The following RUNDC3B variants were observed in gnomAD, a reference collection of about 807,000 sequenced individuals.
RUNDC3B encodes the protein RUN domain-containing protein 3B.
In RUNDC3B, 33 loss-of-function variants were observed where a neutral mutation model predicts 58.4. The ratio of observed to expected loss-of-function variants is 0.56; its 90% CI spans 0.43 to 0.75. The LOEUF is 0.75. RUNDC3B is among the 30% of genes least tolerant of loss of function. The pLI, the probability that RUNDC3B is intolerant of heterozygous loss-of-function variation, is 0.00. For synonymous variants in RUNDC3B, 193 were observed against 195.2 expected (o/e 0.99, Z 0.10); for missense variants, 501 against 535.7 (o/e 0.94, Z 0.64).
At chr7:87,742,879 C>A (rs1051358392) in intron 6 of RUNDC3B, among the ~76,000 whole-genome samples, 2 of 151,886 alleles carry the variant, frequency 1.3e-5, no homozygotes, top group African/African-American at 4.8e-5. Flanking sequence ...TTTGGGAGGC[C>A]GAGGTGGGCG....
chr7:87,722,626 G>C (rs1348596365), intron 4 of RUNDC3B, among the ~76,000 whole-genome samples: 1 of 152,158 alleles, frequency 6.6e-6, no homozygotes, highest in Non-Finnish European at 1.5e-5. Flanking sequence ...CCTTTGACGA[G>C]TTGGGGCATC....
intron 8 of RUNDC3B, among the ~76,000 whole-genome samples, chr7:87,780,951 A>G (rs996449101): frequency 3.3e-5 from 5 of 151,928 alleles, no homozygotes; most frequent in African/African-American, 1.2e-4. Flanking sequence ...TTTTATTAGG[A>G]TTGATTTGGC....
At chr7:87,644,270 A>G (rs772258743) in intron 1 of RUNDC3B, among the ~76,000 whole-genome samples, 51 of 152,364 alleles carry the variant, frequency 3.3e-4, no homozygotes, top group Non-Finnish European at 5.9e-4. Flanking sequence ...ATTATCACCT[A>G]TAGTCACTGC....
intron 3 of RUNDC3B, among the ~76,000 whole-genome samples, chr7:87,710,243 T>C (rs1021523037): frequency 5.9e-5 from 9 of 152,176 alleles, no homozygotes; most frequent in African/African-American, 1.2e-4. Flanking sequence ...TGATTTGCGG[T>C]ATTGAAGTAG....
chr7:87,632,050 T>C (rs28381764), intron 1 of RUNDC3B, among the ~76,000 whole-genome samples: 2 of 152,272 alleles, frequency 1.3e-5, no homozygotes, highest in East Asian at 3.9e-4. Flanking sequence ...TATTTTGGAC[T>C]GTGCCTTTGA....
At chr7:87,683,320 A>G (rs1391007877) in intron 2 of RUNDC3B, among the ~76,000 whole-genome samples, 1 of 152,078 alleles carries the variant, frequency 6.6e-6, no homozygotes, top group African/African-American at 2.4e-5. Flanking sequence ...AGTACTTTTA[A>G]TTTCCTTTGA....
chr7:87,773,636 G>A (rs189405672), intron 7 of RUNDC3B, among the ~76,000 whole-genome samples: 2 of 141,790 alleles, frequency 1.4e-5, no homozygotes. Context: ...TTTTTGTTTG[G>A]TTTGTTTTGT....
At chr7:87,818,445 C>T (rs979106756) in intron 10 of RUNDC3B, among the ~76,000 whole-genome samples, 2 of 152,160 alleles carry the variant, frequency 1.3e-5, no homozygotes, top group Non-Finnish European at 2.9e-5. Context: ...AACATGTTCT[C>T]ATGATGAGTT....
At chr7:87,653,594 T>C (rs1401618555) in intron 2 of RUNDC3B, among the ~76,000 whole-genome samples, 1 of 152,166 alleles carries the variant, frequency 6.6e-6, no homozygotes, top group Non-Finnish European at 1.5e-5. Flanking sequence ...GTTAGATTAT[T>C]TGAAAATTCT....
intron 4 of RUNDC3B, among the ~76,000 whole-genome samples, chr7:87,712,328 A>G (rs1479999461): frequency 1.3e-5 from 2 of 152,134 alleles, no homozygotes; most frequent in East Asian, 3.8e-4. Context: ...ATAAAATGAA[A>G]CATTTATCAT....
In RUNDC3B at chr7:87,656,052, C is replaced by T. The variant is rs187913125; in HGVS notation, c.238+5115C>T. Among the ~76,000 whole-genome samples, 8 of 152,074 alleles carry T rather than the reference C, an allele frequency of 5.3e-5. No homozygotes were observed. In the South Asian group the frequency reaches 8.3e-4, roughly 16 times the overall value. ...TGATGGTGCTTTGATCTTGGACTTC[C>T]CAGCCTCTAGAACTATGAGAAATAA... On this transcript the variant is annotated intron_variant, in intron 2 of 10. Coordinates refer to ENST00000394654, the MANE Select transcript of RUNDC3B (RefSeq NM_001134405.2).
At chr7:87,756,676 C>T (rs539999648) in intron 6 of RUNDC3B, among the ~76,000 whole-genome samples, 9 of 151,978 alleles carry the variant, frequency 5.9e-5, no homozygotes, top group Admixed American at 2.0e-4. Flanking sequence ...CATATTCCAT[C>T]AATTTTAAGA....
chr7:87,676,464 G>A (rs555677390), intron 2 of RUNDC3B, among the ~76,000 whole-genome samples: 21 of 151,814 alleles, frequency 1.4e-4, no homozygotes, highest in African/African-American at 5.1e-4. Flanking sequence ...ACTTTGGGAG[G>A]CCAAGGCAGG....
intron 8 of RUNDC3B, among the ~76,000 whole-genome samples, chr7:87,787,260 T>A (rs1485035949): frequency 6.6e-6 from 1 of 152,134 alleles, no homozygotes; most frequent in Non-Finnish European, 1.5e-5. Context: ...CTGAGATTTT[T>A]AAAAAATCAA....
chr7:87,677,340 A>G (rs1173406354), intron 2 of RUNDC3B, among the ~76,000 whole-genome samples: 2 of 151,912 alleles, frequency 1.3e-5, no homozygotes, highest in Admixed American at 6.6e-5. Flanking sequence ...AGATTTAAAA[A>G]AAAAAAAAAA....
chr7:87,706,863 A>C (rs1393308918), intron 3 of RUNDC3B, among the ~76,000 whole-genome samples: 1 of 152,190 alleles, frequency 6.6e-6, no homozygotes, highest in Non-Finnish European at 1.5e-5. Context: ...CCCATAAACA[A>C]AGCTGAAAGC....
intron 8 of RUNDC3B, among the ~76,000 whole-genome samples, chr7:87,782,382 ACAGT>A (rs1834975570): frequency 6.6e-6 from 1 of 151,972 alleles, no homozygotes; most frequent in Admixed American, 6.6e-5. Flanking sequence ...ATAATAGCTA[ACAGT>A]CTGTCAATCT....
At chr7:87,741,751 C>A (rs1168798175) in intron 6 of RUNDC3B, among the ~76,000 whole-genome samples, 172 bp downstream of exon 6, 5 of 152,264 alleles carry the variant, frequency 3.3e-5, no homozygotes, top group Admixed American at 6.5e-5. Context: ...AAAAAGCACA[C>A]ACCTTTTATG....
intron 4 of RUNDC3B, among the ~76,000 whole-genome samples, chr7:87,736,057 A>G (rs535114532): frequency 6.6e-6 from 1 of 152,284 alleles, no homozygotes; most frequent in South Asian, 2.1e-4. Flanking sequence ...TTTTGATTCA[A>G]TTTGACTTTG....
Sources: gnomAD v4.1 joint callset for allele counts (sites outside exome capture counted in the v4.1 genomes callset) on GRCh38, gnomAD v4.1.1 for gene constraint, MANE v1.5 for transcripts, NCBI Gene and HGNC (gene_info 2026-07-23, HGNC 2026-07-21) for gene names.